The following PCDHGB2 variants were observed in gnomAD, a reference collection of about 807,000 sequenced individuals.
PCDHGB2 encodes the protein protocadherin gamma-B2.
Under a neutral mutation model 59.3 loss-of-function variants are expected in PCDHGB2, and 55 were observed. That is an observed-to-expected ratio of 0.93 (90% confidence interval 0.75 to 1.16). The LOEUF (loss-of-function observed/expected upper bound fraction) is 1.16. Ranked by LOEUF, PCDHGB2 falls within the 50% of genes most tolerant of loss-of-function variation. The probability of loss-of-function intolerance (pLI) is 0.00; values close to 1 mark genes in which losing one functional copy is unlikely to be tolerated. For missense variants in PCDHGB2, 1,228 were observed against 1,198.5 expected (o/e 1.02, Z -0.36); for synonymous variants, 516 against 512.0 (o/e 1.01, Z -0.11).
Position 141,360,392 on chromosome 5 carries a change from T to C in PCDHGB2, c.257T>C (p.Val86Ala). The change falls in exon 1 of 4, where the codon GTG becomes GCG. Residue 86 changes from valine to alanine, a missense_variant. Coordinates refer to ENST00000522605, the MANE Select transcript of PCDHGB2 (RefSeq NM_018923.3). Reference protein sequence around the residue: ...TVNPESGDLLVSDRIDREQIC... With the variant: ...TVNPESGDLLASDRIDREQIC... The stretch of plus-strand genomic sequence containing the variant: ...AACCCAGAAAGCGGAGACTTACTTG[T>C]GAGTGACAGAATAGACCGAGAACAG... The C allele has an allele frequency of 6.2e-7, 1 of 1,613,906 alleles. No homozygotes were observed. Among genetic ancestry groups the C allele is most frequent in the South Asian group, 1.1e-5 (1 of 91,084 alleles).
chr5:141,420,458 C>A, intron 1 of PCDHGB2: 3 of 925,194 alleles, frequency 3.2e-6, no homozygotes, highest in Non-Finnish European at 2.9e-6. Context: ...TCCTACTATT[C>A]AAAGACATTT....
At chr5:141,390,553 A>G in intron 1 of PCDHGB2, 3 of 476,468 alleles carry the variant, frequency 6.3e-6, no homozygotes, top group Non-Finnish European at 1.1e-5. Context: ...TGAAAGTGTT[A>G]GACAGTTGTT....
rs770673084 is a variant in PCDHGB2 at position 141,362,541 on chromosome 5, A to G, written c.2406A>G (p.Ser802=). 1.9e-6 allele frequency: 3 copies of G among 1,613,770 alleles called. No homozygotes were observed. The highest frequency in any genetic ancestry group is 3.3e-5 in the Admixed American group (2 of 59,996). Residue 802 remains serine, a synonymous_variant, in exon 1 of 4, where the codon TCA becomes TCG. Coordinates refer to ENST00000522605, the MANE Select transcript of PCDHGB2 (RefSeq NM_018923.3). ...GAGCCGCTGGGGTCCCTTTTGCCTC[A>G]GATACTATTTTGAAGGTGAGCTTTA... is the stretch of plus-strand genomic sequence containing the variant. ...NHGAAGVPFA[S]DTILKQAPPN...
chr5:141,394,292 G>A (rs1173905383), intron 1 of PCDHGB2: 18 of 1,613,852 alleles, frequency 1.1e-5, no homozygotes, highest in Non-Finnish European at 1.4e-5. Flanking sequence ...CTGTGACCGA[G>A]GACACGCTGC....
chr5:141,404,085 A>G, intron 1 of PCDHGB2: 1 of 1,613,618 alleles, frequency 6.2e-7, no homozygotes, highest in South Asian at 1.1e-5. Context: ...GACTCCGGGA[A>G]GAATGGTCAA....
chr5:141,383,137 C>A (rs750687055), intron 1 of PCDHGB2: 1 of 1,614,112 alleles, frequency 6.2e-7, no homozygotes, highest in Non-Finnish European at 8.5e-7. Flanking sequence ...CCTGAACCAG[C>A]GCAGCGGCAG....
rs996353495 is a variant in PCDHGB2, at chr5:141,485,101, T to G, written c.2422-9706T>G. 12 of 1,158,090 alleles carry G rather than the reference T, an allele frequency of 1.0e-5. No individual in the cohort carries two copies. Among genetic ancestry groups the G allele is most frequent in the Non-Finnish European group, 1.4e-5 (11 of 786,830 alleles). The allele number at this position is 1,158,090 out of a possible 1,614,324, so 71.7% of individuals were successfully genotyped here. ...GGAAAGGGAGATAGGTGTCTCCAGC[T>G]GCTGTGGCTGTTTGGGGCGGGTCGG... On this transcript the variant is annotated intron_variant, in intron 1 of 3. Transcript: ENST00000522605. This position sits in a 1 kb window ranked among gnomAD's most constrained non-coding sequence, Gnocchi z 5.7.
In PCDHGB2 at chr5:141,385,016, C is replaced by G. The variant is rs536780147; in HGVS notation, c.2421+22460C>G. 1.9e-6 allele frequency: 3 copies of G among 1,614,186 alleles called. No individual in the cohort carries two copies. In the South Asian group the frequency reaches 3.3e-5, roughly 18 times the overall value. On this transcript the variant is annotated intron_variant, in intron 1 of 3. Transcript: ENST00000522605. ...GCCACAGTCTCCTGCGTCTTCCTAG[C>G]CTTCGTCCTCGTACTGCTGGCGCTC...
At position 141,362,244 on chromosome 5, in the gene PCDHGB2, C is replaced by G. The variant is rs1380837904; in HGVS notation, c.2109C>G (p.Phe703Leu). ...VVALALISVLFFLAVILAISL... is the reference protein window; with the variant it reads ...VVALALISVLLFLAVILAISL... ...CCTTGGCCTTGATCTCAGTGCTCTT[C>G]TTCCTCGCGGTGATTCTGGCAATCT... The change falls in exon 1 of 4, where the codon TTC becomes TTG. Residue 703 changes from phenylalanine to leucine, a missense_variant. By Grantham distance (22) the Phe-to-Leu change is conservative. This residue lies in a region of PCDHGB2 where 433 missense variants were observed against 441.8 expected (regional missense o/e 0.98). Transcript: ENST00000522605. 2 of 1,613,944 alleles carry G rather than the reference C, an allele frequency of 1.2e-6. No individual in the cohort carries two copies. Among genetic ancestry groups the G allele is most frequent in the Non-Finnish European group, 8.5e-7 (1 of 1,179,916 alleles).
rs936419038 is a variant in PCDHGB2 at position 141,493,313 on chromosome 5, G to T, written c.2422-1494G>T. On this transcript the variant is annotated intron_variant, in intron 1 of 3. Transcript: ENST00000522605. This position sits in a 1 kb window ranked among gnomAD's most constrained non-coding sequence, Gnocchi z 4.3. ...TCAAGTTCACAGAGCAAGTAAGAGA[G>T]ATTCTAACCCCTGTCTAACTCCAGA... Among the ~76,000 whole-genome samples, 4 of 152,214 alleles carry T rather than the reference G, an allele frequency of 2.6e-5. No individual in the cohort carries two copies. Among genetic ancestry groups the T allele is most frequent in the Non-Finnish European group, 4.4e-5 (3 of 68,040 alleles).
At chr5:141,450,829 A>ATTTTT (rs373424450) in intron 1 of PCDHGB2, among the ~76,000 whole-genome samples, 3 of 135,122 alleles carry the variant, frequency 2.2e-5, no homozygotes, top group Admixed American at 7.6e-5. Flanking sequence ...TATTATTATT[A>ATTTTT]TTTTTTTTTT....
At chr5:141,500,721 ATG>A (rs1209024560) in intron 2 of PCDHGB2, among the ~76,000 whole-genome samples, 1 of 152,088 alleles carries the variant, frequency 6.6e-6, no homozygotes, top group African/African-American at 2.4e-5. Context: ...GAATTTCCCC[ATG>A]TCTTTCAAAA....
At position 141,395,259 on chromosome 5, in the gene PCDHGB2, C is replaced by T. The variant is rs1042867033; in HGVS notation, c.2421+32703C>T. ...TCAGGTGAGTTTAGTTCTTTGCTTG[C>T]TTTTAATTTCCAGATGAATTTTATT... On this transcript the variant is annotated intron_variant, in intron 1 of 3. Transcript: ENST00000522605. The T allele has an allele frequency of 3.2e-6, 5 of 1,551,850 alleles. No homozygotes were observed. In the Admixed American group the frequency reaches 1.0e-4, roughly 32 times the overall value.
In PCDHGB2 at chr5:141,415,612, G is replaced by A. The variant is rs745660439; in HGVS notation, c.2421+53056G>A. 12 of 1,612,854 alleles carry A rather than the reference G, an allele frequency of 7.4e-6. No homozygotes were observed. The South Asian group carries it at 1.2e-4, about 16-fold the overall frequency. ...TATAGAGGATACCCCATTGGTTCCA[G>A]TGAGTTTTATTTTCATTTTTACTTT... On this transcript the variant is annotated intron_variant, in intron 1 of 3. Transcript: ENST00000522605.
At chr5:141,365,190 A>C (rs1188827131) in intron 1 of PCDHGB2, 1 of 1,613,890 alleles carries the variant, frequency 6.2e-7, no homozygotes, top group South Asian at 1.1e-5. Context: ...GAAGAAGAAA[A>C]AATTTCGGAG....
At chr5:141,455,740 G>C (rs2098830344) in intron 1 of PCDHGB2, among the ~76,000 whole-genome samples, 1 of 152,136 alleles carries the variant, frequency 6.6e-6, no homozygotes, top group Non-Finnish European at 1.5e-5. Context: ...GCATATCAAA[G>C]GTTGCTGGCC....
intron 1 of PCDHGB2, among the ~76,000 whole-genome samples, chr5:141,425,919 G>A (rs11167745): frequency 2.0e-5 from 3 of 152,174 alleles, no homozygotes; most frequent in East Asian, 1.9e-4. Flanking sequence ...CAGTCACTAC[G>A]AAAACTCATA....
intron 3 of PCDHGB2, among the ~76,000 whole-genome samples, chr5:141,510,691 T>C (rs1013489554): frequency 4.6e-5 from 7 of 152,138 alleles, no homozygotes; most frequent in African/African-American, 1.7e-4. Flanking sequence ...GGAGGTTAGG[T>C]AGACTTGCCC....
In PCDHGB2 at chr5:141,400,247, T is replaced by C; in HGVS notation, c.2421+37691T>C. 1 of 1,614,050 alleles carries C rather than the reference T, an allele frequency of 6.2e-7. No homozygotes were observed. Among genetic ancestry groups the C allele is most frequent in the East Asian group, 2.2e-5 (1 of 44,884 alleles). ...TTCCTCCTGGCCGTGATTCTGGCCG[T>C]TGCCTTGCGCCTGCGACGCTCCTCC... On this transcript the variant is annotated intron_variant, in intron 1 of 3. Transcript: ENST00000522605.
Sources: allele counts gnomAD v4.1 joint callset (sites outside exome capture counted in the v4.1 genomes callset), GRCh38; gene constraint gnomAD v4.1.1; regional missense constraint gnomAD v4.1.1; non-coding constraint Gnocchi (gnomAD v3.1); transcripts MANE v1.5; gene names NCBI Gene and HGNC (gene_info 2026-07-23, HGNC 2026-07-21).